Variants in CTNNA3 observed in about 807,000 individuals in gnomAD.
CTNNA3 encodes catenin alpha 3.
In CTNNA3, 76 loss-of-function variants were observed where a neutral mutation model predicts 95.7. The observed-to-expected ratio is 0.79, with a 90% CI of 0.66 to 0.96. The LOEUF is 0.96. CTNNA3 is among the 40% of genes least tolerant of loss of function. The pLI, the probability that CTNNA3 is intolerant of heterozygous loss-of-function variation, is 0.00. For synonymous variants in CTNNA3, 431 were observed against 374.4 expected, an observed-to-expected ratio of 1.15 and a Z score of -1.74; for missense variants, 1,191 against 1,089.8, an observed-to-expected ratio of 1.09 and a Z score of -1.31.
At chr10:66,032,052 A>G (rs940818021) in intron 15 of CTNNA3, among the ~76,000 whole-genome samples, 1 of 152,226 alleles carries the variant, frequency 6.6e-6, no homozygotes, top group African/African-American at 2.4e-5. Context: ...AATCTAGGTA[A>G]CTAAGAGAAC....
intron 11 of CTNNA3, among the ~76,000 whole-genome samples, chr10:66,405,252 T>C (rs948971138): frequency 6.6e-6 from 1 of 152,170 alleles, no homozygotes; most frequent in Non-Finnish European, 1.5e-5. Flanking sequence ...AAGTTTTTGA[T>C]AGACTGCTTG....
At chr10:67,185,365 A>T (rs1304539355) in intron 6 of CTNNA3, among the ~76,000 whole-genome samples, 1 of 151,980 alleles carries the variant, frequency 6.6e-6, no homozygotes, top group Non-Finnish European at 1.5e-5. Context: ...TGACCACATG[A>T]TCCGCCTGCC....
At chr10:67,158,047 C>G (rs963622528) in intron 7 of CTNNA3, among the ~76,000 whole-genome samples, 1 of 151,786 alleles carries the variant, frequency 6.6e-6, no homozygotes, top group Non-Finnish European at 1.5e-5. Flanking sequence ...AGAATTCCAC[C>G]GGGACTGGAC....
intron 1 of CTNNA3, chr10:67,750,914 GC>G: frequency 6.2e-7 from 1 of 1,610,120 alleles, no homozygotes; most frequent in Non-Finnish European, 8.5e-7. Flanking sequence ...ATGGCCTACA[GC>G]CCCCTAGGCT....
intron 15 of CTNNA3, among the ~76,000 whole-genome samples, chr10:66,051,669 T>C (rs2133538313): frequency 6.6e-6 from 1 of 152,332 alleles, no homozygotes; most frequent in Non-Finnish European, 1.5e-5. Context: ...CTTTTAATGT[T>C]CAAAGGACAA....
chr10:66,013,042 A>G (rs973366032), intron 15 of CTNNA3, among the ~76,000 whole-genome samples: 1 of 152,160 alleles, frequency 6.6e-6, no homozygotes, highest in Non-Finnish European at 1.5e-5. Flanking sequence ...CTGGGATTAC[A>G]GGCATGTGCC....
chr10:67,594,467 C>G (rs767313153), intron 3 of CTNNA3, among the ~76,000 whole-genome samples: 8 of 151,864 alleles, frequency 5.3e-5, no homozygotes, highest in South Asian at 2.1e-4. Context: ...CAATTTATTC[C>G]TGGTTCATTC....
At chr10:67,207,847 C>T (rs1480535861) in intron 6 of CTNNA3, among the ~76,000 whole-genome samples, 1 of 152,060 alleles carries the variant, frequency 6.6e-6, no homozygotes, top group East Asian at 1.9e-4. Context: ...TGGGAAGGCT[C>T]GTCTTTGAAA....
At chr10:66,869,637 G>A (rs1280352488) in intron 7 of CTNNA3, among the ~76,000 whole-genome samples, 1 of 152,020 alleles carries the variant, frequency 6.6e-6, no homozygotes, top group Non-Finnish European at 1.5e-5. Context: ...CAGGAGGTAA[G>A]TAGTAGAGGA....
At chr10:67,291,155 C>G (rs979199868) in intron 5 of CTNNA3, among the ~76,000 whole-genome samples, 1 of 152,070 alleles carries the variant, frequency 6.6e-6, no homozygotes, top group Non-Finnish European at 1.5e-5. Context: ...ATATTGACAC[C>G]TGCCTCATTA....
chr10:67,476,161 G>A (rs1056942871), intron 5 of CTNNA3, among the ~76,000 whole-genome samples: 1 of 152,110 alleles, frequency 6.6e-6, no homozygotes, highest in African/African-American at 2.4e-5. Flanking sequence ...TTAAACCCGC[G>A]AGTGCACTTG....
intron 14 of CTNNA3, among the ~76,000 whole-genome samples, chr10:66,086,762 A>T (rs2081001154): frequency 6.6e-6 from 1 of 152,038 alleles, no homozygotes; most frequent in South Asian, 2.1e-4. Flanking sequence ...CCGCAATCAC[A>T]ACCTCATTGT....
chr10:66,249,217 A>G (rs2090452111), intron 13 of CTNNA3, among the ~76,000 whole-genome samples: 1 of 152,196 alleles, frequency 6.6e-6, no homozygotes, highest in Non-Finnish European at 1.5e-5. Flanking sequence ...GTGTGGGCAA[A>G]GATTTCTTGA....
chr10:66,809,590 TC>T (rs1162711261), intron 7 of CTNNA3, among the ~76,000 whole-genome samples: 4 of 152,264 alleles, frequency 2.6e-5, no homozygotes, highest in African/African-American at 9.6e-5. Context: ...CACAGCTTAT[TC>T]CATTTACTTA....
intron 5 of CTNNA3, among the ~76,000 whole-genome samples, chr10:67,262,765 T>A (rs1165374645): frequency 6.6e-6 from 1 of 152,032 alleles, no homozygotes; most frequent in Non-Finnish European, 1.5e-5. Context: ...ATTTAAAACT[T>A]GTCAGGAAAA....
intron 9 of CTNNA3, among the ~76,000 whole-genome samples, chr10:66,737,530 C>T (rs1849183703): frequency 6.6e-6 from 1 of 152,126 alleles, no homozygotes; most frequent in Admixed American, 6.6e-5. Flanking sequence ...TCAAGAATGT[C>T]TTCACATAGA....
At chr10:66,307,187 C>T (rs1160580063) in intron 12 of CTNNA3, among the ~76,000 whole-genome samples, 1 of 152,056 alleles carries the variant, frequency 6.6e-6, no homozygotes, top group Non-Finnish European at 1.5e-5. Flanking sequence ...GACCTTCTTC[C>T]TGTATGTAAA....
chr10:67,721,469 G>C (rs867126197), intron 1 of CTNNA3, among the ~76,000 whole-genome samples: 5 of 151,822 alleles, frequency 3.3e-5, no homozygotes, highest in African/African-American at 1.2e-4. Flanking sequence ...ACTTACGTAT[G>C]CTTCACAACG....
chr10:67,750,828 TA>T, intron 1 of CTNNA3: 1 of 1,610,724 alleles, frequency 6.2e-7, no homozygotes, highest in Admixed American at 1.7e-5. Flanking sequence ...AACCAGTGAC[TA>T]ACCAGGTTGA....
Sources: allele counts gnomAD v4.1 joint callset (sites outside exome capture counted in the v4.1 genomes callset), GRCh38; gene constraint gnomAD v4.1.1; transcripts MANE v1.5; gene names NCBI Gene and HGNC (gene_info 2026-07-23, HGNC 2026-07-21).